ARID5B: variants seen among roughly 807,000 people sequenced by gnomAD.
The protein encoded by ARID5B is AT-rich interactive domain-containing protein 5B.
ARID5B carries 13 observed loss-of-function variants against 97.2 expected under a neutral mutation model. The observed-to-expected ratio is 0.13, with a 90% CI of 0.09 to 0.21. The LOEUF is 0.21. ARID5B is among the 10% of genes least tolerant of loss of function. The probability of loss-of-function intolerance (pLI) is 1.00; values close to 1 mark genes in which losing one functional copy is unlikely to be tolerated. For missense variants in ARID5B, 1,210 were observed against 1,465.3 expected (o/e 0.83, Z 2.84); for synonymous variants, 556 against 570.3 (o/e 0.97, Z 0.36).
At chr10:62,050,821 C>G (rs1839777845) in intron 4 of ARID5B, 67 bp from the exon 5 acceptor site, 1 of 1,329,688 alleles carries the variant, frequency 7.5e-7, no homozygotes, top group Non-Finnish European at 1.1e-6. Context: ...TAGTGAGATT[C>G]TGGGTCTTTA....
chr10:62,086,839 T>C (rs1840291165), intron 9 of ARID5B, among the ~76,000 whole-genome samples: 1 of 151,080 alleles, frequency 6.6e-6, no homozygotes, highest in South Asian at 2.1e-4. Context: ...CCTGCCTGGG[T>C]GACAGAGTGA....
At position 62,000,923 on chromosome 10, in the gene ARID5B, C is replaced by A. The variant is rs1460354714; in HGVS notation, c.733+602C>A. ...CTGAATTTTTTCATACACTCATACA[C>A]ACACATGCACACGTACACGCACATT... On this transcript the variant is annotated intron_variant, in intron 4 of 9. Coordinates refer to ENST00000279873, the MANE Select transcript of ARID5B (RefSeq NM_032199.3). The surrounding 1 kb of genome is among the most constrained non-coding windows in gnomAD (Gnocchi z 4.4). 6.6e-6 allele frequency among the ~76,000 whole-genome samples: 1 copy of A among 152,134 alleles called. No homozygotes were observed. Among genetic ancestry groups the A allele is most frequent in the Non-Finnish European group, 1.5e-5 (1 of 68,026 alleles).
Position 62,003,800 on chromosome 10 carries a change from G to C in ARID5B, c.733+3479G>C, listed in dbSNP as rs566902441. On this transcript the variant is annotated intron_variant, in intron 4 of 9. Transcript: ENST00000279873. ...CTCTGAAAATAGACTTTGCATTATG[G>C]GATGACCTTGCCCAACTGCCCATAC... is the stretch of plus-strand genomic sequence containing the variant. 7.2e-5 allele frequency among the ~76,000 whole-genome samples: 11 copies of C among 152,158 alleles called. No individual in the cohort carries two copies. The South Asian group carries it at 2.3e-3, about 32-fold the overall frequency.
chr10:61,936,842 TTCC>T (rs755075255), intron 2 of ARID5B, among the ~76,000 whole-genome samples: 5,205 of 34,508 alleles, frequency 0.15, 198 homozygotes, highest in African/African-American at 0.22. Context: ...CCTTTTTTTC[TTCC>T]CCAAAAAAAA....
rs2132857616 is a variant in ARID5B at position 61,992,447 on chromosome 10, G to T, written c.503-7644G>T. ...TGATGAAGCAATAGTGAGGGCAAAA[G>T]CTGATAGTAACATTTTGATACATAT... On this transcript the variant is annotated intron_variant, in intron 3 of 9. Coordinates refer to ENST00000279873, the MANE Select transcript of ARID5B (RefSeq NM_032199.3). Among the ~76,000 whole-genome samples, 3 of 152,256 alleles carry T rather than the reference G, an allele frequency of 2.0e-5. No individual in the cohort carries two copies. The South Asian group carries it at 6.2e-4, about 32-fold the overall frequency.
At chr10:62,063,210 AT>A (rs2132945978) in intron 7 of ARID5B, among the ~76,000 whole-genome samples, 1 of 152,292 alleles carries the variant, frequency 6.6e-6, no homozygotes, top group African/African-American at 2.4e-5. Context: ...ACTAGCTGAG[AT>A]TTTTATCTGA....
chr10:62,086,793 A>G lies in ARID5B; in HGVS notation c.1398+893A>G, dbSNP rs575747191. On this transcript the variant is annotated intron_variant, in intron 9 of 9. Transcript: ENST00000279873. ...GAGGATAACCAGAGCCCTGGGAGGT[A>G]AAGTCTGCAGTGAGCTGTGATTATA... Among the ~76,000 whole-genome samples, 3 of 151,360 alleles carry G rather than the reference A, an allele frequency of 2.0e-5. No individual in the cohort carries two copies. The East Asian group carries it at 5.9e-4, about 30-fold the overall frequency.
chr10:61,906,567 A>G (rs719730), intron 2 of ARID5B, among the ~76,000 whole-genome samples: 76 of 152,324 alleles, frequency 5.0e-4, no homozygotes, highest in African/African-American at 1.7e-3. Context: ...GTCACCTCCA[A>G]CTGTGCTTGT....
intron 3 of ARID5B, among the ~76,000 whole-genome samples, chr10:61,942,558 G>A (rs946987309): frequency 9.2e-5 from 14 of 152,166 alleles, no homozygotes; most frequent in East Asian, 1.9e-4. Context: ...TTGGGAGGCC[G>A]AGGCAGGTGG....
intron 7 of ARID5B, among the ~76,000 whole-genome samples, chr10:62,066,407 A>G (rs982813112): frequency 6.6e-6 from 1 of 152,212 alleles, no homozygotes; most frequent in Non-Finnish European, 1.5e-5. Flanking sequence ...TTTCCCATGG[A>G]AAGAAAATAT....
intron 7 of ARID5B, among the ~76,000 whole-genome samples, chr10:62,066,923 G>A (rs1022285367): frequency 6.6e-6 from 1 of 152,110 alleles, no homozygotes; most frequent in Non-Finnish European, 1.5e-5. Flanking sequence ...CTTGCATGCT[G>A]GTCTGCTTTT....
chr10:62,056,361 G>A (rs1305891641), intron 5 of ARID5B, among the ~76,000 whole-genome samples: 1 of 152,162 alleles, frequency 6.6e-6, no homozygotes, highest in Non-Finnish European at 1.5e-5. Context: ...AAAGCAAGAA[G>A]CCCTCATTAA....
At position 61,962,039 on chromosome 10, in the gene ARID5B, G is replaced by A. The variant is rs573064361; in HGVS notation, c.502+21631G>A. Among the ~76,000 whole-genome samples, 252 of 152,312 alleles carry A rather than the reference G, an allele frequency of 1.7e-3. 1 individual carries two copies. Among genetic ancestry groups the A allele is most frequent in the Non-Finnish European group, 2.6e-3 (175 of 68,032 alleles). ...GCTGGGATTACAGGCGTGAGCCATC[G>A]CACCCGGCCTTCTCGGCAATTTCTG... On this transcript the variant is annotated intron_variant, in intron 3 of 9. Transcript: ENST00000279873.
intron 3 of ARID5B, among the ~76,000 whole-genome samples, chr10:61,978,071 T>C (rs2132841908): frequency 1.3e-5 from 2 of 152,390 alleles, no homozygotes; most frequent in Middle Eastern, 6.8e-3. Flanking sequence ...TTCAGCTTTC[T>C]ACATATGGCT....
chr10:62,087,286 G>A (rs1280575081), intron 9 of ARID5B, among the ~76,000 whole-genome samples: 54 of 61,242 alleles, frequency 8.8e-4, no homozygotes, highest in Admixed American at 1.6e-3. Flanking sequence ...GTGACAGAGA[G>A]AGACTCTATC....
chr10:61,946,793 C>G (rs972858583), intron 3 of ARID5B, among the ~76,000 whole-genome samples: 1 of 152,044 alleles, frequency 6.6e-6, no homozygotes, highest in Non-Finnish European at 1.5e-5. Flanking sequence ...TGGTGGCATG[C>G]GCCTGTAGTC....
At chr10:61,978,182 T>C (rs1189216147) in intron 3 of ARID5B, among the ~76,000 whole-genome samples, 1 of 152,226 alleles carries the variant, frequency 6.6e-6, no homozygotes, top group Non-Finnish European at 1.5e-5. Flanking sequence ...ATGTGTGGTA[T>C]TATTTCTGAG....
intron 8 of ARID5B, among the ~76,000 whole-genome samples, chr10:62,081,380 A>G (rs953336341): frequency 5.3e-5 from 8 of 152,350 alleles, no homozygotes; most frequent in African/African-American, 1.7e-4. Context: ...CGTTTTTCCT[A>G]TTAAGCACTG....
intron 3 of ARID5B, among the ~76,000 whole-genome samples, chr10:61,998,459 T>C (rs1839032164): frequency 6.6e-6 from 1 of 152,188 alleles, no homozygotes; most frequent in South Asian, 2.1e-4. Context: ...AACTGGGTCA[T>C]GGAGCCTAAA....
Sources: allele counts gnomAD v4.1 joint callset (sites outside exome capture counted in the v4.1 genomes callset), GRCh38; gene constraint gnomAD v4.1.1; non-coding constraint Gnocchi (gnomAD v3.1); transcripts MANE v1.5; gene names NCBI Gene and HGNC (gene_info 2026-07-23, HGNC 2026-07-21).